The following ZNF704 variants were observed in gnomAD, a reference collection of about 807,000 sequenced individuals.
ZNF704 encodes the protein zinc finger protein 704, also known as glucocorticoid induced gene 1.
A neutral mutation model predicts 44.7 loss-of-function variants in ZNF704; 10 were observed. The observed-to-expected ratio is 0.22, with a 90% CI of 0.14 to 0.38. The LOEUF is 0.38. ZNF704 is among the 10% of genes least tolerant of loss of function. The pLI is 1.00. For synonymous variants in ZNF704, 211 were observed against 207.6 expected, an observed-to-expected ratio of 1.02 and a Z score of -0.14; for missense variants, 390 against 545.5, an observed-to-expected ratio of 0.71 and a Z score of 2.84.
chr8:80,844,977 G>A (rs924338782), intron 1 of ZNF704, among the ~76,000 whole-genome samples: 3 of 151,990 alleles, frequency 2.0e-5, no homozygotes, highest in Non-Finnish European at 2.9e-5. Context: ...ACTGCACCCA[G>A]CCTGGAATAT....
At chr8:80,660,288 C>A (rs543265254) in intron 6 of ZNF704, among the ~76,000 whole-genome samples, 1 of 151,968 alleles carries the variant, frequency 6.6e-6, no homozygotes, top group East Asian at 1.9e-4. Context: ...GAGGGCAACA[C>A]AGTGAGACTT....
intron 2 of ZNF704, among the ~76,000 whole-genome samples, chr8:80,754,821 C>T (rs1327242618): frequency 8.5e-5 from 13 of 152,136 alleles, no homozygotes; most frequent in Admixed American, 7.9e-4. Flanking sequence ...TTCTCTTCTT[C>T]GCTACATTTA....
At chr8:80,817,874 C>A (rs1299403125) in intron 2 of ZNF704, among the ~76,000 whole-genome samples, 1 of 152,196 alleles carries the variant, frequency 6.6e-6, no homozygotes, top group Non-Finnish European at 1.5e-5. Flanking sequence ...GGGAAGGGAG[C>A]AAATCAGGAA....
chr8:80,791,130 G>T (rs1443808072), intron 2 of ZNF704, among the ~76,000 whole-genome samples: 1 of 152,208 alleles, frequency 6.6e-6, no homozygotes, highest in Non-Finnish European at 1.5e-5. Flanking sequence ...GTAAGAAAAT[G>T]AGTGTTCTGA....
intron 2 of ZNF704, among the ~76,000 whole-genome samples, chr8:80,781,940 C>A (rs112054664): frequency 6.6e-6 from 1 of 152,180 alleles, no homozygotes; most frequent in Non-Finnish European, 1.5e-5. Context: ...CAAATTCACT[C>A]TAATGTATAG....
At chr8:80,677,719 C>G (rs962583810) in intron 4 of ZNF704, among the ~76,000 whole-genome samples, 3 of 152,120 alleles carry the variant, frequency 2.0e-5, no homozygotes, top group Non-Finnish European at 4.4e-5. Flanking sequence ...ATCCCAGTGC[C>G]TCACAGTGTC....
chr8:80,698,482 A>G (rs1189954992), intron 2 of ZNF704, among the ~76,000 whole-genome samples: 2 of 152,180 alleles, frequency 1.3e-5, no homozygotes, highest in South Asian at 2.1e-4. Flanking sequence ...TCCATGCTCT[A>G]TAAGGGCTTT....
chr8:80,632,539 A>G lies in ZNF704; in HGVS notation c.*8827T>C, dbSNP rs1377116708. On this transcript the variant is annotated 3_prime_UTR_variant, in exon 9 of 9. Coordinates refer to ENST00000327835, the MANE Select transcript of ZNF704 (RefSeq NM_001033723.3). ...AAAAATTTAGGGAAAAGGACCTAGC[A>G]AGATAATGTAATAGTTAATTAGACT... 1 of 152,216 alleles carries G rather than the reference A, an allele frequency of 6.6e-6. No individual in the cohort carries two copies. Among genetic ancestry groups the G allele is most frequent in the East Asian group, 1.9e-4 (1 of 5,198 alleles). The allele number at this position is 152,216 out of a possible 1,614,324, so 9.4% of individuals were successfully genotyped here.
chr8:80,646,335 C>T (rs113483878), intron 7 of ZNF704, among the ~76,000 whole-genome samples: 59 of 152,060 alleles, frequency 3.9e-4, no homozygotes, highest in African/African-American at 1.2e-3. Context: ...CACAAATTAG[C>T]CAGATTGGTG....
chr8:80,851,883 G>A (rs1808870284), intron 1 of ZNF704, among the ~76,000 whole-genome samples: 1 of 152,136 alleles, frequency 6.6e-6, no homozygotes, highest in African/African-American at 2.4e-5. Flanking sequence ...GAAAAGGCAT[G>A]AGACAACAAA....
At chr8:80,866,763 T>C (rs531518066) in intron 1 of ZNF704, among the ~76,000 whole-genome samples, 7 of 152,194 alleles carry the variant, frequency 4.6e-5, no homozygotes, top group Admixed American at 4.6e-4. Flanking sequence ...GATTTACTAA[T>C]TTTAGAAGGT....
intron 2 of ZNF704, among the ~76,000 whole-genome samples, chr8:80,715,440 C>T (rs747278944): frequency 5.9e-5 from 9 of 152,188 alleles, no homozygotes; most frequent in Non-Finnish European, 1.0e-4. Context: ...TTATTTATGG[C>T]AGTGGTTTTG....
rs1817733350 is a variant in ZNF704 at position 80,641,006 on chromosome 8, A to G, written c.*360T>C. Reference sequence around the variant, plus strand: ...ATCTTGAAAATGGCATAATTCAGAAAGCTTATCAAAATATGCCTCCTTTCT... The same window carrying G: ...ATCTTGAAAATGGCATAATTCAGAAGGCTTATCAAAATATGCCTCCTTTCT... On this transcript the variant is annotated 3_prime_UTR_variant, in exon 9 of 9. Coordinates refer to ENST00000327835, the MANE Select transcript of ZNF704 (RefSeq NM_001033723.3). The G allele has an allele frequency of 6.1e-6, 1 of 162,616 alleles. No individual in the cohort carries two copies. Among genetic ancestry groups the G allele is most frequent in the South Asian group, 2.0e-4 (1 of 5,042 alleles). The allele number at this position is 162,616 out of a possible 1,614,324, so 10.1% of individuals were successfully genotyped here. A position where few individuals can be genotyped will look rare whatever the true frequency, so the allele number is the denominator to read the frequency against.
chr8:80,774,786 T>C (rs903217092), intron 2 of ZNF704, among the ~76,000 whole-genome samples: 1 of 152,188 alleles, frequency 6.6e-6, no homozygotes, highest in Non-Finnish European at 1.5e-5. Flanking sequence ...GTTTTCCGTC[T>C]CGCTAGGATG....
At chr8:80,859,326 T>C (rs1455158099) in intron 1 of ZNF704, among the ~76,000 whole-genome samples, 1 of 152,190 alleles carries the variant, frequency 6.6e-6, no homozygotes, top group Non-Finnish European at 1.5e-5. Flanking sequence ...TTGAAGTTAA[T>C]CTACCAGGGG....
chr8:80,642,154 A>AT (rs1237950115), intron 8 of ZNF704, among the ~76,000 whole-genome samples: 1 of 152,216 alleles, frequency 6.6e-6, no homozygotes, highest in Non-Finnish European at 1.5e-5. Flanking sequence ...CAAACTGCAA[A>AT]TAGTACAAAC....
chr8:80,875,257 T>C (rs1809340968), upstream of ZNF704, among the ~76,000 whole-genome samples: 2 of 152,170 alleles, frequency 1.3e-5, no homozygotes, highest in African/African-American at 4.8e-5. Flanking sequence ...GGTTAGGCTA[T>C]GTAGTAAGTG....
intron 2 of ZNF704, among the ~76,000 whole-genome samples, chr8:80,749,092 A>G (rs1424045765): frequency 6.6e-6 from 1 of 152,174 alleles, no homozygotes; most frequent in African/African-American, 2.4e-5. Context: ...GAATGGCCCC[A>G]TCTACTTCCT....
intron 2 of ZNF704, among the ~76,000 whole-genome samples, chr8:80,729,600 T>C (rs1203710270): frequency 6.6e-6 from 1 of 152,226 alleles, no homozygotes; most frequent in Non-Finnish European, 1.5e-5. Context: ...ATCATTTTTC[T>C]GTGAAAATTT....
Sources: gnomAD v4.1 joint callset for allele counts (sites outside exome capture counted in the v4.1 genomes callset) on GRCh38, gnomAD v4.1.1 for gene constraint, MANE v1.5 for transcripts, NCBI Gene and HGNC (gene_info 2026-07-23, HGNC 2026-07-21) for gene names.